Variants in GRIK4 observed in about 807,000 individuals in gnomAD.
GRIK4 encodes glutamate ionotropic receptor kainate type subunit 4, also known as glutamate receptor ionotropic, kainate 4.
In GRIK4, 40 loss-of-function variants were observed where a neutral mutation model predicts 104.9. The ratio of observed to expected loss-of-function variants is 0.38; its 90% CI spans 0.30 to 0.50. The LOEUF is 0.50. GRIK4 is among the 20% of genes least tolerant of loss of function. The probability of loss-of-function intolerance (pLI) is 0.93; values close to 1 mark genes in which losing one functional copy is unlikely to be tolerated. For missense variants in GRIK4, 1,047 were observed against 1,308.1 expected (o/e 0.80, Z 3.08); for synonymous variants, 485 against 524.9 (o/e 0.92, Z 1.04).
At chr11:120,743,847 A>G (rs1030036490) in intron 3 of GRIK4, among the ~76,000 whole-genome samples, 1 of 152,262 alleles carries the variant, frequency 6.6e-6, no homozygotes, top group African/African-American at 2.4e-5. Context: ...TGGGAGCAAT[A>G]GTATCTGCCT....
intron 4 of GRIK4, among the ~76,000 whole-genome samples, chr11:120,807,658 G>GA (rs199634072): frequency 0.064 from 9,742 of 151,276 alleles, 331 homozygotes; most frequent in Middle Eastern, 0.11. Flanking sequence ...TTGGCTTAAG[G>GA]AAAAAAAAGT....
At chr11:120,912,541 C>A (rs775490903) in intron 13 of GRIK4, among the ~76,000 whole-genome samples, 5 of 152,146 alleles carry the variant, frequency 3.3e-5, no homozygotes. Flanking sequence ...CTGAGCAATA[C>A]GGGGGTCACC....
At chr11:120,739,557 T>G (rs984496632) in intron 3 of GRIK4, among the ~76,000 whole-genome samples, 2 of 152,218 alleles carry the variant, frequency 1.3e-5, no homozygotes, top group Non-Finnish European at 1.5e-5. Context: ...GTGAGAAAAC[T>G]GGGGCCCACA....
At chr11:120,754,162 C>T (rs993724268) in intron 3 of GRIK4, among the ~76,000 whole-genome samples, 5 of 152,166 alleles carry the variant, frequency 3.3e-5, no homozygotes, top group African/African-American at 1.2e-4. Flanking sequence ...TCCCAAGTAG[C>T]TGGGATTACA....
At position 120,535,062 on chromosome 11, in the gene GRIK4, T is replaced by G. The variant is rs1003240355; in HGVS notation, c.-159+23175T>G. Among the ~76,000 whole-genome samples the G allele has an allele frequency of 2.0e-5, 3 of 152,162 alleles. No homozygotes were observed. The South Asian group carries it at 6.2e-4, about 31-fold the overall frequency. Reference sequence around the variant, plus strand: ...GGCTCTCCTGGGGGAAGCCCTGACTTGTAGGGTTTGCTGATTTCCACGGTG... The same window carrying G: ...GGCTCTCCTGGGGGAAGCCCTGACTGGTAGGGTTTGCTGATTTCCACGGTG... On this transcript the variant is annotated intron_variant, in intron 1 of 20. Transcript: ENST00000527524.
chr11:120,853,169 G>A (rs1324218658), intron 8 of GRIK4, among the ~76,000 whole-genome samples: 1 of 152,152 alleles, frequency 6.6e-6, no homozygotes, highest in Non-Finnish European at 1.5e-5. Context: ...GCATGATTGA[G>A]TGGCCGCTTC....
In GRIK4 at chr11:120,939,982, GAAAAA is replaced by G. The variant is rs879576274; in HGVS notation, c.1477-355_1477-351del. 1.5e-5 allele frequency among the ~76,000 whole-genome samples: 2 copies of G among 131,056 alleles called. No homozygotes were observed. Among genetic ancestry groups the G allele is most frequent in the Admixed American group, 1.6e-4 (2 of 12,900 alleles). The allele number at this position is 131,056 out of a possible 152,430, so 86.0% of individuals were successfully genotyped here. A position where few individuals can be genotyped will look rare whatever the true frequency, so the allele number is the denominator to read the frequency against. Reference sequence around the variant, plus strand: ...GCGACAGAGGGAGACCCTGTATCCAGAAAAAAAAAAAAAAGTATTGAGAATGCAGG... The same window carrying G: ...GCGACAGAGGGAGACCCTGTATCCAGAAAAAAAAAGTATTGAGAATGCAGG... On this transcript the variant is annotated intron_variant, in intron 13 of 20. Coordinates refer to ENST00000527524, the MANE Select transcript of GRIK4 (RefSeq NM_014619.5). This position sits in a 1 kb window ranked among gnomAD's most constrained non-coding sequence, Gnocchi z 5.6.
At chr11:120,791,883 C>T (rs769101398) in intron 3 of GRIK4, among the ~76,000 whole-genome samples, 1 of 152,062 alleles carries the variant, frequency 6.6e-6, no homozygotes, top group Non-Finnish European at 1.5e-5. Context: ...TCCACAAATG[C>T]ACGGGTCAAA....
intron 3 of GRIK4, among the ~76,000 whole-genome samples, chr11:120,683,305 G>T (rs539313054): frequency 2.0e-5 from 3 of 152,292 alleles, no homozygotes; most frequent in Admixed American, 6.5e-5. Flanking sequence ...GTAGTAGGCT[G>T]GATGTGAATG....
chr11:120,625,252 C>T (rs920498326), intron 1 of GRIK4, among the ~76,000 whole-genome samples: 16 of 152,112 alleles, frequency 1.1e-4, no homozygotes, highest in South Asian at 2.1e-4. Flanking sequence ...CCAGCCTGGG[C>T]GACAGAGTGA....
chr11:120,893,789 T>C (rs1261098537), intron 11 of GRIK4, among the ~76,000 whole-genome samples: 1 of 152,008 alleles, frequency 6.6e-6, no homozygotes, highest in Non-Finnish European at 1.5e-5. Context: ...ATGAGGGTCT[T>C]TTTTTTTCCC....
intron 16 of GRIK4, among the ~76,000 whole-genome samples, chr11:120,959,164 G>C (rs1944232714): frequency 6.6e-6 from 1 of 152,200 alleles, no homozygotes; most frequent in Non-Finnish European, 1.5e-5. Context: ...GCAATAGGCA[G>C]AGCAGGCATG....
chr11:120,621,517 G>A (rs959258507), intron 1 of GRIK4, among the ~76,000 whole-genome samples: 5 of 152,186 alleles, frequency 3.3e-5, no homozygotes, highest in African/African-American at 4.8e-5. Context: ...CAGAGCCCTG[G>A]CAGTGAGGCA....
chr11:120,986,353 A>C lies in GRIK4; in HGVS notation c.*93A>C. 1.5e-6 allele frequency: 2 copies of C among 1,361,766 alleles called. No homozygotes were observed. The allele number at this position is 1,361,766 out of a possible 1,614,324, so 84.4% of individuals were successfully genotyped here. On this transcript the variant is annotated 3_prime_UTR_variant, in exon 21 of 21. Coordinates refer to ENST00000527524, the MANE Select transcript of GRIK4 (RefSeq NM_014619.5). ...GTCAGCCGCCAGCCGGAACTTGTAC[A>C]GCGTCGACACCTCTCCAGATTTCGG...
Position 120,702,849 on chromosome 11 carries a change from C to T in GRIK4, c.82+42449C>T, listed in dbSNP as rs148817455. 7.6e-3 allele frequency among the ~76,000 whole-genome samples: 1,159 copies of T among 152,280 alleles called. 9 individuals carry two copies. The highest frequency in any genetic ancestry group is 0.015 in the South Asian group (70 of 4,822). On this transcript the variant is annotated intron_variant, in intron 3 of 20. Transcript: ENST00000527524. ...CTGAGTAGAGCTTGAGGCTTCAGCCCTGCAGAAAGCAGGAAGGAAGATGTA... is the reference window on the plus strand; with the variant it reads ...CTGAGTAGAGCTTGAGGCTTCAGCCTTGCAGAAAGCAGGAAGGAAGATGTA...
chr11:120,826,638 T>C (rs756623998), intron 6 of GRIK4, among the ~76,000 whole-genome samples: 1 of 152,186 alleles, frequency 6.6e-6, no homozygotes, highest in Non-Finnish European at 1.5e-5. Flanking sequence ...CCGACACCCA[T>C]TCTTGCCATT....
At chr11:120,844,620 C>T (rs529811080) in intron 8 of GRIK4, among the ~76,000 whole-genome samples, 1 of 152,290 alleles carries the variant, frequency 6.6e-6, no homozygotes, top group South Asian at 2.1e-4. Context: ...GCCTCAGACA[C>T]AAAGGAACCT....
At chr11:120,929,037 G>C (rs370947238) in intron 13 of GRIK4, among the ~76,000 whole-genome samples, 1 of 151,246 alleles carries the variant, frequency 6.6e-6, no homozygotes, top group East Asian at 1.9e-4. Flanking sequence ...GTGTGTGTGT[G>C]TGTGTCTGTG....
intron 3 of GRIK4, among the ~76,000 whole-genome samples, chr11:120,708,858 C>G (rs1323188405): frequency 3.3e-5 from 5 of 152,178 alleles, no homozygotes; most frequent in African/African-American, 7.2e-5. Context: ...CTCTTACCCC[C>G]TCCCGTGCTG....
Sources: gnomAD v4.1 joint callset for allele counts (sites outside exome capture counted in the v4.1 genomes callset) on GRCh38, gnomAD v4.1.1 for gene constraint, Gnocchi (gnomAD v3.1) non-coding constraint, MANE v1.5 for transcripts, NCBI Gene and HGNC (gene_info 2026-07-23, HGNC 2026-07-21) for gene names.